Variants in PBLD observed in about 807,000 individuals in gnomAD.
PBLD encodes the protein phenazine biosynthesis like protein domain containing.
Under a neutral mutation model 31.3 loss-of-function variants are expected in PBLD, and 26 were observed. That is an observed-to-expected ratio of 0.83 (90% CI 0.61 to 1.15). The LOEUF is 1.15. Among genes scored for constraint, PBLD ranks in the 50% most tolerant of loss-of-function variants. PBLD has a pLI of 0.00. For missense variants in PBLD, 307 were observed against 351.7 expected, an observed-to-expected ratio of 0.87 and a Z score of 1.02; for synonymous variants, 114 against 129.0, an observed-to-expected ratio of 0.88 and a Z score of 0.79.
intron 1 of PBLD, among the ~76,000 whole-genome samples, chr10:68,319,094 AGAAAGAAAGAAAGAAAG>A (rs1192073763): frequency 9.7e-5 from 13 of 134,474 alleles, no homozygotes; most frequent in South Asian, 8.0e-4. Flanking sequence ...AAAGAAAGAA[AGAAAGAAAGAAAGAAAG>A]GAAAAAGAAA....
intron 1 of PBLD, among the ~76,000 whole-genome samples, chr10:68,316,105 A>G (rs2044733252): frequency 6.6e-6 from 1 of 152,222 alleles, no homozygotes; most frequent in African/African-American, 2.4e-5. Context: ...AGTATACCAT[A>G]CAAAGAATAA....
Position 68,283,341 on chromosome 10 carries a change from C to G in PBLD, c.*836G>C, listed in dbSNP as rs756122483. 3.3e-5 allele frequency: 5 copies of G among 152,214 alleles called. No individual in the cohort carries two copies. The highest frequency in any genetic ancestry group is 4.8e-5 in the African/African-American group (2 of 41,436). The allele number at this position is 152,214 out of a possible 1,614,324, so 9.4% of individuals were successfully genotyped here. On this transcript the variant is annotated 3_prime_UTR_variant, in exon 10 of 10. Transcript: ENST00000358769. ...CTTCTTAGATACATTAAAATTACTTCTAAACTTGCCCCCCACACATGAACT... is the reference window on the plus strand; with the variant it reads ...CTTCTTAGATACATTAAAATTACTTGTAAACTTGCCCCCCACACATGAACT...
chr10:68,327,002 G>C (rs1000743286), intron 1 of PBLD, among the ~76,000 whole-genome samples: 1 of 151,936 alleles, frequency 6.6e-6, no homozygotes, highest in Non-Finnish European at 1.5e-5. Context: ...AGCTGAGATC[G>C]CGCCACTGCA....
At chr10:68,307,831 A>C (rs1279420437) in intron 1 of PBLD, among the ~76,000 whole-genome samples, 1 of 152,124 alleles carries the variant, frequency 6.6e-6, no homozygotes, top group Non-Finnish European at 1.5e-5. Context: ...AATGCATGAA[A>C]CATACAAGAG....
intron 1 of PBLD, among the ~76,000 whole-genome samples, chr10:68,310,848 T>TCAAAGAG (rs2044657176): frequency 7.3e-6 from 1 of 137,766 alleles, no homozygotes; most frequent in Admixed American, 7.9e-5. Flanking sequence ...TTTGATGGGG[T>TCAAAGAG]TACATCTCAA....
At chr10:68,330,806 A>G (rs2045047001) in intron 1 of PBLD, among the ~76,000 whole-genome samples, 1 of 151,450 alleles carries the variant, frequency 6.6e-6, no homozygotes, top group South Asian at 2.1e-4. Context: ...ATGAACTTGC[A>G]CTGATCTCTT....
intron 1 of PBLD, among the ~76,000 whole-genome samples, chr10:68,322,663 CAA>C (rs201985160): frequency 4.3e-4 from 51 of 119,088 alleles, no homozygotes; most frequent in Admixed American, 7.7e-4. Context: ...GACCCTGTCT[CAA>C]AAAAAAAAAA....
chr10:68,303,666 C>A (rs1039718784), intron 2 of PBLD, among the ~76,000 whole-genome samples: 1 of 151,830 alleles, frequency 6.6e-6, no homozygotes, highest in Non-Finnish European at 1.5e-5. Flanking sequence ...AGCTCTTGAA[C>A]TTTATTACTC....
intron 1 of PBLD, among the ~76,000 whole-genome samples, chr10:68,330,775 G>GAT (rs2045045042): frequency 6.8e-6 from 1 of 148,018 alleles, no homozygotes; most frequent in Non-Finnish European, 1.5e-5. Context: ...GTAGAGACAG[G>GAT]GTTTCACCGT....
intron 1 of PBLD, among the ~76,000 whole-genome samples, chr10:68,325,971 T>C (rs547860163): frequency 6.6e-6 from 1 of 152,348 alleles, no homozygotes; most frequent in South Asian, 2.1e-4. Flanking sequence ...GGAATGTATC[T>C]GTATGCTCTT....
chr10:68,288,367 A>G, intron 8 of PBLD, 116 bp downstream of exon 8: 2 of 1,116,258 alleles, frequency 1.8e-6, no homozygotes, highest in Non-Finnish European at 2.5e-6. Flanking sequence ...AGATAGAGGA[A>G]CAAGGCAGCT....
intron 1 of PBLD, among the ~76,000 whole-genome samples, chr10:68,307,160 G>T (rs1001480970): frequency 6.6e-6 from 1 of 152,006 alleles, no homozygotes; most frequent in African/African-American, 2.4e-5. Context: ...CTCTTGAGTA[G>T]CTGGAATTAC....
chr10:68,305,762 A>C (rs2044568895), intron 2 of PBLD, among the ~76,000 whole-genome samples: 1 of 152,018 alleles, frequency 6.6e-6, no homozygotes, highest in African/African-American at 2.4e-5. Flanking sequence ...TCTCAAAAAC[A>C]AAACAAAACA....
intron 1 of PBLD, among the ~76,000 whole-genome samples, chr10:68,308,820 G>C (rs10762216): frequency 4.1e-5 from 6 of 147,694 alleles, no homozygotes; most frequent in Non-Finnish European, 7.4e-5. Context: ...GATTGCAGGC[G>C]TGCCCCACTG....
chr10:68,296,831 T>C, intron 3 of PBLD, 55 bp downstream of exon 3: 1 of 1,442,468 alleles, frequency 6.9e-7, no homozygotes, highest in Non-Finnish European at 9.7e-7. Context: ...ATCATGCCAC[T>C]GCACTCCAGC....
chr10:68,318,665 T>C (rs1392358015), intron 1 of PBLD, among the ~76,000 whole-genome samples: 1 of 152,122 alleles, frequency 6.6e-6, no homozygotes, highest in African/African-American at 2.4e-5. Flanking sequence ...TGCAGTTTTT[T>C]TATACTATTA....
intron 1 of PBLD, among the ~76,000 whole-genome samples, chr10:68,324,965 G>A (rs2044893773): frequency 6.6e-6 from 1 of 150,528 alleles, no homozygotes; most frequent in Non-Finnish European, 1.5e-5. Context: ...CTACATCTGG[G>A]CTAGGTGCAG....
intron 1 of PBLD, among the ~76,000 whole-genome samples, chr10:68,322,339 G>A (rs958074380): frequency 2.0e-4 from 30 of 151,980 alleles, no homozygotes; most frequent in Non-Finnish European, 3.8e-4. Flanking sequence ...CTACTGAGCC[G>A]TACATAAAAT....
intron 2 of PBLD, among the ~76,000 whole-genome samples, chr10:68,304,109 C>G (rs565006853): frequency 3.9e-5 from 6 of 152,318 alleles, no homozygotes; most frequent in African/African-American, 1.4e-4. Flanking sequence ...TTATTTGTCT[C>G]TGACATTTTC....
Sources: allele counts gnomAD v4.1 joint callset (sites outside exome capture counted in the v4.1 genomes callset), GRCh38; gene constraint gnomAD v4.1.1; transcripts MANE v1.5; gene names NCBI Gene and HGNC (gene_info 2026-07-23, HGNC 2026-07-21).